PADI3: variants seen among roughly 807,000 people sequenced by gnomAD.
PADI3 encodes peptidyl arginine deiminase 3, also known as protein-arginine deiminase type-3.
PADI3 carries 53 observed loss-of-function variants against 71.5 expected under a neutral mutation model. The observed-to-expected ratio is 0.74, with a 90% CI of 0.59 to 0.93. PADI3 has a LOEUF of 0.93. Among genes scored for constraint, PADI3 ranks in the 40% least tolerant of loss-of-function variants. PADI3 has a pLI of 0.00. For synonymous variants in PADI3, 361 were observed against 347.5 expected, an observed-to-expected ratio of 1.04 and a Z score of -0.43; for missense variants, 821 against 868.0, an observed-to-expected ratio of 0.95 and a Z score of 0.68.
At position 17,273,321 on chromosome 1, in the gene PADI3, C is replaced by T. The variant is rs767399391; in HGVS notation, c.1048-19C>T. ...TTGACTGTCACAGCTGTGCGTCTCT[C>T]GCCTCTCCTCACTTGCAGGATGAGA... On this transcript the variant is annotated intron_variant, in intron 9 of 15. Coordinates refer to ENST00000375460, the MANE Select transcript of PADI3 (RefSeq NM_016233.2). The T allele has an allele frequency of 1.1e-5, 18 of 1,593,606 alleles. No homozygotes were observed. The highest frequency in any genetic ancestry group is 1.5e-5 in the Non-Finnish European group (17 of 1,163,228).
chr1:17,268,873 T>TCTCTAAA, intron 6 of PADI3, among the ~76,000 whole-genome samples: 1 of 149,200 alleles, frequency 6.7e-6, no homozygotes, highest in South Asian at 2.1e-4. Context: ...TCTCTACCCG[T>TCTCTAAA]CTCTAAATCT....
In PADI3 at chr1:17,271,051, C is replaced by G; in HGVS notation, c.936-16C>G. The G allele has an allele frequency of 1.2e-6, 2 of 1,613,984 alleles. No homozygotes were observed. The highest frequency in any genetic ancestry group is 1.7e-6 in the Non-Finnish European group (2 of 1,179,862). ...CGGCTCCATCCTGAGCCCCTCTTCCCTGGGCTTGTCCGTAGTGTGAGGAAC... is the reference window on the plus strand; with the variant it reads ...CGGCTCCATCCTGAGCCCCTCTTCCGTGGGCTTGTCCGTAGTGTGAGGAAC... On this transcript the variant is annotated splice_polypyrimidine_tract_variant and intron_variant, in intron 8 of 15. Transcript: ENST00000375460.
chr1:17,258,952 A>T (rs1441544390), intron 1 of PADI3, among the ~76,000 whole-genome samples: 1 of 152,240 alleles, frequency 6.6e-6, no homozygotes, highest in African/African-American at 2.4e-5. Context: ...CTGGGGATTT[A>T]TCGAGCACAT....
chr1:17,277,929 G>A lies in PADI3; in HGVS notation c.1555+1053G>A, dbSNP rs1367405216. 2.6e-5 allele frequency: 4 copies of A among 154,524 alleles called. No homozygotes were observed. The Admixed American group carries it at 2.6e-4, about 10-fold the overall frequency. The allele number at this position is 154,524 out of a possible 1,614,324, so 9.6% of individuals were successfully genotyped here. A position where few individuals can be genotyped will look rare whatever the true frequency, so the allele number is the denominator to read the frequency against. On this transcript the variant is annotated intron_variant, in intron 13 of 15. Transcript: ENST00000375460. ...CTTGGGGTGGCAGTCCTGTGGGAATGAGAGATGCCAAACTGGACCTGCCAG... is the reference window on the plus strand; with the variant it reads ...CTTGGGGTGGCAGTCCTGTGGGAATAAGAGATGCCAAACTGGACCTGCCAG...
rs78291204 is a variant in PADI3 at position 17,258,254 on chromosome 1, T to C, written c.93-1324T>C. Among the ~76,000 whole-genome samples the C allele has an allele frequency of 1.3e-3, 195 of 152,298 alleles. 5 individuals are homozygous for C. The East Asian group carries it at 0.037, about 29-fold the overall frequency. On this transcript the variant is annotated intron_variant, in intron 1 of 15. Transcript: ENST00000375460. ...CAACTCGCAGTGGCCTCTCCCTACA[T>C]GGGTTCCCACTGAGCTGTGATCCTG...
chr1:17,279,352 G>T (rs2073373076), intron 13 of PADI3, among the ~76,000 whole-genome samples: 1 of 152,198 alleles, frequency 6.6e-6, no homozygotes, highest in South Asian at 2.1e-4. Flanking sequence ...GATCAAATGG[G>T]ATGACTCTCA....
intron 3 of PADI3, among the ~76,000 whole-genome samples, chr1:17,263,372 G>T (rs748593257): frequency 1.3e-5 from 2 of 151,882 alleles, no homozygotes; most frequent in Non-Finnish European, 2.9e-5. Context: ...AGTACTTGAG[G>T]CATTGTGAAA....
Position 17,266,907 on chromosome 1 carries a change from C to T in PADI3, c.526+71C>T, listed in dbSNP as rs535685268. On this transcript the variant is annotated intron_variant, in intron 5 of 15. Transcript: ENST00000375460. ...TCAGTTACCCCATGGGAGTTCCAAC[C>T]CACAGGCGAGACTCTGAGGCCAGAG... 1.4e-5 allele frequency: 16 copies of T among 1,183,432 alleles called. No individual in the cohort carries two copies. In the African/African-American group the frequency reaches 2.2e-4, roughly 17 times the overall value. The allele number at this position is 1,183,432 out of a possible 1,614,324, so 73.3% of individuals were successfully genotyped here.
chr1:17,249,259 G>A lies in PADI3; in HGVS notation c.92+30G>A, dbSNP rs757763008. 5 of 1,556,456 alleles carry A rather than the reference G, an allele frequency of 3.2e-6. No homozygotes were observed. In the East Asian group the frequency reaches 1.1e-4, roughly 35 times the overall value. Reference sequence around the variant, plus strand: ...GAGTCAGAGGCCTAGTGGTTTGCAGGCCCTTGGTGCTGATGCCCTTGGACC... The same window carrying A: ...GAGTCAGAGGCCTAGTGGTTTGCAGACCCTTGGTGCTGATGCCCTTGGACC... On this transcript the variant is annotated intron_variant, in intron 1 of 15. Transcript: ENST00000375460.
rs1488944058 is a variant in PADI3, at chr1:17,251,211, G to A, written c.92+1982G>A. 7.9e-5 allele frequency among the ~76,000 whole-genome samples: 12 copies of A among 152,226 alleles called. 1 individual carries two copies. Among genetic ancestry groups the A allele is most frequent in the Admixed American group, 7.9e-4 (12 of 15,286 alleles). On this transcript the variant is annotated intron_variant, in intron 1 of 15. Transcript: ENST00000375460. Reference sequence around the variant, plus strand: ...CCTCTCTGAGAAGCCAGCAGAGGCTGGACAACCTTCTTACAAGGGTGCCAC... The same window carrying A: ...CCTCTCTGAGAAGCCAGCAGAGGCTAGACAACCTTCTTACAAGGGTGCCAC...
intron 1 of PADI3, among the ~76,000 whole-genome samples, chr1:17,249,717 A>G (rs1246774939): frequency 6.6e-6 from 1 of 152,210 alleles, no homozygotes; most frequent in Non-Finnish European, 1.5e-5. Flanking sequence ...CTCTTGAGTT[A>G]AGTTTTGAAC....
In PADI3 at chr1:17,270,979, G is replaced by A. The variant is rs2073240420; in HGVS notation, c.932G>A (p.Cys311Tyr). 1 of 1,614,080 alleles carries A rather than the reference G, an allele frequency of 6.2e-7. No individual in the cohort carries two copies. Among genetic ancestry groups the A allele is most frequent in the African/African-American group, 1.3e-5 (1 of 75,044 alleles). The change falls in exon 8 of 16, where the codon TGC (cysteine) becomes TAC (tyrosine). Residue 311 changes from cysteine to tyrosine, a missense_variant. Coordinates refer to ENST00000375460, the MANE Select transcript of PADI3 (RefSeq NM_016233.2). ...CTGCCACCCCTAGAGGTGTATGTGTGCCGGTGAGTCTTGGGGCAGTGGGTG... is the reference window on the plus strand; with the variant it reads ...CTGCCACCCCTAGAGGTGTATGTGTACCGGTGAGTCTTGGGGCAGTGGGTG... ...STLPPLEVYV[C>Y]RVRNNTCFVD...
At chr1:17,251,608 A>G (rs991400287) in intron 1 of PADI3, among the ~76,000 whole-genome samples, 2 of 152,254 alleles carry the variant, frequency 1.3e-5, no homozygotes, top group Non-Finnish European at 2.9e-5. Flanking sequence ...ACAAAGGCAC[A>G]GAGAGGTTAA....
At chr1:17,271,510 G>T (rs577107203) in intron 9 of PADI3, among the ~76,000 whole-genome samples, 2 of 152,314 alleles carry the variant, frequency 1.3e-5, no homozygotes, top group East Asian at 3.9e-4. Context: ...GAGACGTTTT[G>T]CAGTATCTGC....
Position 17,270,517 on chromosome 1 carries a change from G to A in PADI3, c.831+106G>A, listed in dbSNP as rs573564484. 1.7e-5 allele frequency: 18 copies of A among 1,060,240 alleles called. No individual in the cohort carries two copies. In the African/African-American group the frequency reaches 2.4e-4, roughly 14 times the overall value. 65.7% of individuals were successfully genotyped at this position (1,060,240 alleles called of 1,614,324 possible). On this transcript the variant is annotated intron_variant, in intron 7 of 15. Coordinates refer to ENST00000375460, the MANE Select transcript of PADI3 (RefSeq NM_016233.2). ...AAAAAAAATAGCGAGGTATAGTGGT[G>A]TACACCTATAGTCCCAGTTACTTGG...
intron 1 of PADI3, among the ~76,000 whole-genome samples, chr1:17,255,355 T>TG (rs1557497363): frequency 6.6e-6 from 1 of 152,078 alleles, no homozygotes; most frequent in Admixed American, 6.5e-5. Flanking sequence ...CCGGCTGGCT[T>TG]GGGGGGTGTG....
At chr1:17,274,458 G>A (rs1022528781) in intron 10 of PADI3, among the ~76,000 whole-genome samples, 177 bp from the exon 11 acceptor site, 1 of 152,240 alleles carries the variant, frequency 6.6e-6, no homozygotes, top group East Asian at 1.9e-4. Context: ...TGCCTGCTAT[G>A]CGTGCATGAA....
In PADI3 at chr1:17,280,732, T is replaced by G. The variant is rs765248874; in HGVS notation, c.1697T>G (p.Ile566Ser). The part of the protein sequence containing the change: ...KRELGLAECD[I>S]IDIPQLFKTE... ...GAGCTGGGCCTGGCAGAGTGTGACA[T>G]CATTGACATCCCACAGCTCTTCAAG... The change falls in exon 15 of 16, where the codon ATC becomes AGC. Residue 566 changes from isoleucine to serine, a missense_variant. Coordinates refer to ENST00000375460, the MANE Select transcript of PADI3 (RefSeq NM_016233.2). 1 of 1,614,058 alleles carries G rather than the reference T, an allele frequency of 6.2e-7. No individual in the cohort carries two copies. The highest frequency in any genetic ancestry group is 1.7e-5 in the Admixed American group (1 of 60,004).
intron 6 of PADI3, among the ~76,000 whole-genome samples, chr1:17,268,338 A>G (rs1256576753): frequency 6.6e-6 from 1 of 152,134 alleles, no homozygotes; most frequent in Non-Finnish European, 1.5e-5. Context: ...GTTTTGTAAA[A>G]CCAACCCCAA....
Sources: allele counts gnomAD v4.1 joint callset (sites outside exome capture counted in the v4.1 genomes callset), GRCh38; gene constraint gnomAD v4.1.1; transcripts MANE v1.5; gene names NCBI Gene and HGNC (gene_info 2026-07-23, HGNC 2026-07-21).